ENAH: variants seen among roughly 807,000 people sequenced by gnomAD.
The protein encoded by ENAH is protein enabled homolog.
A neutral mutation model predicts 78.7 loss-of-function variants in ENAH; 23 were observed. The observed-to-expected ratio is 0.29, with a 90% confidence interval of 0.21 to 0.41. The LOEUF is 0.41. Among genes scored for constraint, ENAH ranks in the 10% least tolerant of loss-of-function variants. The probability of loss-of-function intolerance (pLI) is 1.00; values close to 1 mark genes in which losing one functional copy is unlikely to be tolerated. For synonymous variants in ENAH, 226 were observed against 241.0 expected (o/e 0.94, Z 0.58); for missense variants, 544 against 691.0 (o/e 0.79, Z 2.39).
At chr1:225,650,667 G>T (rs1481450513) in intron 1 of ENAH, among the ~76,000 whole-genome samples, 1 of 151,802 alleles carries the variant, frequency 6.6e-6, no homozygotes, top group African/African-American at 2.4e-5. Flanking sequence ...TGGCTAACAT[G>T]GTGAAACCCC....
At chr1:225,610,714 A>C (rs2096983490) in intron 1 of ENAH, among the ~76,000 whole-genome samples, 1 of 152,220 alleles carries the variant, frequency 6.6e-6, no homozygotes, top group Admixed American at 6.5e-5. Flanking sequence ...AAAAAAAGAA[A>C]CAGCCAACAA....
chr1:225,652,560 G>A (rs1663226157), intron 1 of ENAH, 126 bp downstream of exon 1: 6 of 1,074,150 alleles, frequency 5.6e-6, no homozygotes, highest in Admixed American at 4.3e-5. Context: ...GGAGGGGGGA[G>A]GAACAGACCG....
chr1:225,638,477 T>A (rs1412134653), intron 1 of ENAH, among the ~76,000 whole-genome samples: 1 of 152,138 alleles, frequency 6.6e-6, no homozygotes. Context: ...AAAATTAATG[T>A]CTCCTCCCCC....
intron 1 of ENAH, chr1:225,652,238 A>T: frequency 1.4e-5 from 11 of 761,896 alleles, no homozygotes; most frequent in Non-Finnish European, 1.8e-5. Flanking sequence ...GACCTTTCAA[A>T]CTTTTCTTCC....
At chr1:225,513,173 C>T (rs2096390274) in intron 7 of ENAH, among the ~76,000 whole-genome samples, 157 bp from the exon 8 acceptor site, 1 of 152,126 alleles carries the variant, frequency 6.6e-6, no homozygotes, top group African/African-American at 2.4e-5. Flanking sequence ...CTTAGCATGA[C>T]TTTATATATC....
intron 1 of ENAH, among the ~76,000 whole-genome samples, chr1:225,589,001 A>G (rs961762447): frequency 2.6e-5 from 4 of 152,156 alleles, no homozygotes; most frequent in Non-Finnish European, 5.9e-5. Flanking sequence ...AAAGCAAACA[A>G]CTGATATACA....
At chr1:225,519,124 TTAACACATGACTG>T in intron 5 of ENAH, 61 bp downstream of exon 5, 1 of 1,541,194 alleles carries the variant, frequency 6.5e-7, no homozygotes, top group Non-Finnish European at 8.7e-7. Flanking sequence ...GTGAAATATT[TTAACACATGACTG>T]CACAAGAGAC....
rs574738935 is a variant in ENAH at position 225,651,838 on chromosome 1, T to C, written c.5+848A>G. Among the ~76,000 whole-genome samples the C allele has an allele frequency of 1.4e-4, 21 of 152,300 alleles. No homozygotes were observed. In the South Asian group the frequency reaches 2.9e-3, roughly 21 times the overall value. ...CACACCACATCACGGTTTATTCTCC[T>C]ACACAATTTGAGAAACAATAAAGAA... is the stretch of plus-strand genomic sequence containing the variant. On this transcript the variant is annotated intron_variant, in intron 1 of 13. Coordinates refer to ENST00000366843, the MANE Select transcript of ENAH (RefSeq NM_018212.6).
At chr1:225,640,038 T>C (rs548107502) in intron 1 of ENAH, among the ~76,000 whole-genome samples, 6 of 152,144 alleles carry the variant, frequency 3.9e-5, no homozygotes, top group Non-Finnish European at 1.5e-5. Context: ...ACTGGAGAAC[T>C]AACAAAGATG....
chr1:225,537,130 G>GA (rs200462336), intron 3 of ENAH, among the ~76,000 whole-genome samples: 13 of 149,844 alleles, frequency 8.7e-5, no homozygotes, highest in Admixed American at 4.6e-4. Flanking sequence ...TATTTAAAGA[G>GA]AAAAAAAAAC....
At chr1:225,603,143 T>G (rs1228755088) in intron 1 of ENAH, among the ~76,000 whole-genome samples, 2 of 152,026 alleles carry the variant, frequency 1.3e-5, no homozygotes, top group Non-Finnish European at 2.9e-5. Context: ...TACCCACAAA[T>G]CAATGGCAAA....
rs1271632600 is a variant in ENAH at position 225,605,322 on chromosome 1, A to G, written c.6-37908T>C. On this transcript the variant is annotated intron_variant, in intron 1 of 13. Coordinates refer to ENST00000366843, the MANE Select transcript of ENAH (RefSeq NM_018212.6). ...GGGGAGAGAAAAGACCAGTAAGAAC[A>G]TAATATTTAGAAGTCAACTCGATGT... Among the ~76,000 whole-genome samples, 4 of 152,350 alleles carry G rather than the reference A, an allele frequency of 2.6e-5. No homozygotes were observed. In the East Asian group the frequency reaches 7.7e-4, roughly 29 times the overall value.
chr1:225,505,007 AG>A (rs1235307740), intron 11 of ENAH: 3 of 1,612,622 alleles, frequency 1.9e-6, no homozygotes, highest in South Asian at 2.2e-5. Context: ...AATGAATCAT[AG>A]GACCTGTTGT....
intron 1 of ENAH, among the ~76,000 whole-genome samples, chr1:225,575,428 C>T (rs2096783632): frequency 6.6e-6 from 1 of 152,206 alleles, no homozygotes; most frequent in Admixed American, 6.5e-5. Context: ...GGCTTCACAG[C>T]ATCACGTACA....
chr1:225,563,614 G>T (rs972949383), intron 2 of ENAH, among the ~76,000 whole-genome samples: 5 of 152,162 alleles, frequency 3.3e-5, no homozygotes, highest in African/African-American at 4.8e-5. Flanking sequence ...GGCAAACAAT[G>T]ATAAGCCCTA....
chr1:225,517,260 G>A lies in ENAH; in HGVS notation c.849C>T (p.Asp283=). 3.9e-6 allele frequency: 6 copies of A among 1,551,678 alleles called. No individual in the cohort carries two copies. Among genetic ancestry groups the A allele is most frequent in the Admixed American group, 2.0e-5 (1 of 51,040 alleles). ...GCAAGCCTGGCTCAGAAGCAGAAGAGTCTCCCAGCACAGAGTTTAGAGGAG... is the reference window on the plus strand; with the variant it reads ...GCAAGCCTGGCTCAGAAGCAGAAGAATCTCCCAGCACAGAGTTTAGAGGAG... ...VETPLNSVLG[D]SSASEPGLQA... The change falls in exon 6 of 14, where the codon GAC becomes GAT. Residue 283 remains aspartate (D), a synonymous_variant. Coordinates refer to ENST00000366843, the MANE Select transcript of ENAH (RefSeq NM_018212.6).
intron 6 of ENAH, among the ~76,000 whole-genome samples, chr1:225,516,257 T>C (rs2096416409): frequency 6.6e-6 from 1 of 152,184 alleles, no homozygotes; most frequent in Non-Finnish European, 1.5e-5. Flanking sequence ...CTACTTATTG[T>C]AATTTTGGAC....
intron 3 of ENAH, among the ~76,000 whole-genome samples, chr1:225,553,369 T>C (rs1194056666): frequency 6.6e-6 from 1 of 152,124 alleles, no homozygotes; most frequent in East Asian, 1.9e-4. Context: ...TTTAACTACT[T>C]TTAAAAAAGG....
intron 1 of ENAH, among the ~76,000 whole-genome samples, chr1:225,619,519 G>C (rs1398898647): frequency 1.3e-5 from 2 of 152,080 alleles, no homozygotes; most frequent in African/African-American, 4.8e-5. Flanking sequence ...ACTCCTGCCT[G>C]GGCAACAGAG....
Sources: allele counts gnomAD v4.1 joint callset (sites outside exome capture counted in the v4.1 genomes callset), GRCh38; gene constraint gnomAD v4.1.1; transcripts MANE v1.5; gene names NCBI Gene and HGNC (gene_info 2026-07-23, HGNC 2026-07-21).